Variants in NEMP2 observed in about 807,000 individuals in gnomAD.
NEMP2 encodes UPF0571 transmembrane protein.
NEMP2 carries 53 observed loss-of-function variants against 54.2 expected under a neutral mutation model. That is an observed-to-expected ratio of 0.98 (90% CI 0.78 to 1.23). The LOEUF (loss-of-function observed/expected upper bound fraction) is 1.23. Among genes scored for constraint, NEMP2 ranks in the 50% most tolerant of loss-of-function variants. The pLI is 0.00. For synonymous variants in NEMP2, 197 were observed against 190.3 expected (o/e 1.04, Z -0.29); for missense variants, 455 against 511.3 (o/e 0.89, Z 1.06).
chr2:190,617,244 T>A, the NEMP2 span: 3 of 152,228 alleles, frequency 2.0e-5, no homozygotes, highest in Non-Finnish European at 2.9e-5. The surrounding 1 kb of genome is among the most constrained non-coding windows in gnomAD (Gnocchi z 5.0). Flanking sequence ...ACACTTCAGT[T>A]TTCATTAAAG....
the NEMP2 span, among the ~76,000 whole-genome samples, chr2:190,442,059 G>T: frequency 6.6e-6 from 1 of 152,196 alleles, no homozygotes; most frequent in Non-Finnish European, 1.5e-5. Flanking sequence ...AAAGCAAAAA[G>T]ATGGTAGACC....
the NEMP2 span, among the ~76,000 whole-genome samples, chr2:190,597,278 C>T: frequency 7.0e-6 from 1 of 143,292 alleles, no homozygotes; most frequent in East Asian, 2.1e-4. This position sits in a 1 kb window ranked among gnomAD's most constrained non-coding sequence, Gnocchi z 4.7. Flanking sequence ...AAAAAAAAAG[C>T]TTTCTAATTT....
At chr2:190,606,766 C>A in the NEMP2 span, among the ~76,000 whole-genome samples, 2 of 152,134 alleles carry the variant, frequency 1.3e-5, no homozygotes, top group African/African-American at 4.8e-5. Flanking sequence ...AGCATTAGCA[C>A]AATCCCAGGC....
At chr2:190,437,055 G>A in the NEMP2 span, 2 of 1,614,206 alleles carry the variant, frequency 1.2e-6, no homozygotes, top group Non-Finnish European at 1.7e-6. The surrounding 1 kb of genome is among the most constrained non-coding windows in gnomAD (Gnocchi z 5.9). Flanking sequence ...TGCTGTCTGT[G>A]GGCATCGGGA....
At chr2:190,421,717 G>T in the NEMP2 span, among the ~76,000 whole-genome samples, 1 of 146,092 alleles carries the variant, frequency 6.8e-6, no homozygotes, top group East Asian at 2.0e-4. Flanking sequence ...CACCATACCT[G>T]GCTAACTTAA....
the NEMP2 span, among the ~76,000 whole-genome samples, chr2:190,555,240 C>G: frequency 6.6e-6 from 1 of 152,088 alleles, no homozygotes; most frequent in Non-Finnish European, 1.5e-5. This position sits in a 1 kb window ranked among gnomAD's most constrained non-coding sequence, Gnocchi z 4.8. Context: ...GCTGAAGATT[C>G]CAAAAACCAG....
the NEMP2 span, among the ~76,000 whole-genome samples, chr2:190,595,587 G>A: frequency 3.3e-5 from 5 of 152,070 alleles, no homozygotes; most frequent in South Asian, 2.1e-4. The surrounding 1 kb of genome is among the most constrained non-coding windows in gnomAD (Gnocchi z 4.0). Flanking sequence ...AAAAGTGTGC[G>A]AAGGATATAA....
rs1383105552 is a variant in NEMP2 at position 190,521,661 on chromosome 2, C to T, written c.214-2478G>A. ...CATTCTCCCTTTAATCCACTTCAAT[C>T]AGGATTTCATTCCTAAAAGGCCACC... On this transcript the variant is annotated intron_variant, in intron 2 of 8. Transcript: ENST00000409150. This position sits in a 1 kb window ranked among gnomAD's most constrained non-coding sequence, Gnocchi z 6.2. Among the ~76,000 whole-genome samples, 2 of 152,202 alleles carry T rather than the reference C, an allele frequency of 1.3e-5. No homozygotes were observed. Among genetic ancestry groups the T allele is most frequent in the African/African-American group, 4.8e-5 (2 of 41,458 alleles).
the NEMP2 span, chr2:190,437,360 G>C: frequency 6.2e-7 from 1 of 1,614,258 alleles, no homozygotes. This position sits in a 1 kb window ranked among gnomAD's most constrained non-coding sequence, Gnocchi z 5.9. Flanking sequence ...CTGCTCTGCA[G>C]CGTGCAGTAT....
At chr2:190,534,764 G>T, upstream of NEMP2, 1 of 822,564 alleles carries the variant, frequency 1.2e-6, no homozygotes, top group Non-Finnish European at 1.6e-6. Flanking sequence ...GGTGAGGCCC[G>T]AACGCGGGAA....
At chr2:190,447,567 A>G in the NEMP2 span, among the ~76,000 whole-genome samples, 1 of 152,224 alleles carries the variant, frequency 6.6e-6, no homozygotes, top group African/African-American at 2.4e-5. The surrounding 1 kb of genome is among the most constrained non-coding windows in gnomAD (Gnocchi z 4.5). Context: ...TAAATTGCTT[A>G]TATACTTCTT....
chr2:190,571,403 CGTG>C, the NEMP2 span, among the ~76,000 whole-genome samples: 1 of 151,958 alleles, frequency 6.6e-6, no homozygotes, highest in East Asian at 1.9e-4. Flanking sequence ...ATTAGCCAGG[CGTG>C]GTGGTGGGCG....
At chr2:190,495,405 T>G in the NEMP2 span, among the ~76,000 whole-genome samples, 10 of 152,170 alleles carry the variant, frequency 6.6e-5, no homozygotes, top group Non-Finnish European at 1.3e-4. The surrounding 1 kb of genome is among the most constrained non-coding windows in gnomAD (Gnocchi z 4.7). Context: ...ATCAATATTG[T>G]GAAAATGACC....
the NEMP2 span, among the ~76,000 whole-genome samples, chr2:190,584,993 C>G: frequency 2.0e-5 from 3 of 151,990 alleles, no homozygotes; most frequent in African/African-American, 4.8e-5. This position sits in a 1 kb window ranked among gnomAD's most constrained non-coding sequence, Gnocchi z 4.2. Context: ...AACTTCCAGT[C>G]AGTTGGAAAG....
chr2:190,441,932 G>C, the NEMP2 span, among the ~76,000 whole-genome samples: 3 of 152,212 alleles, frequency 2.0e-5, no homozygotes, highest in East Asian at 3.9e-4. Flanking sequence ...AGTCAGATTG[G>C]TGCCTGCCTC....
Position 190,515,328 on chromosome 2 carries a change from G to A in NEMP2, c.728-650C>T, listed in dbSNP as rs146964458. 3.8e-3 allele frequency among the ~76,000 whole-genome samples: 574 copies of A among 152,310 alleles called. 4 individuals are homozygous for A. The highest frequency in any genetic ancestry group is 5.9e-3 in the Admixed American group (90 of 15,300). On this transcript the variant is annotated intron_variant, in intron 6 of 8. Transcript: ENST00000409150. Reference sequence around the variant, plus strand: ...AAATCTAGAAGGTGGAGATTCTACAGGACAAGCTTGGTTTCTTTAGCATAT... The same window carrying A: ...AAATCTAGAAGGTGGAGATTCTACAAGACAAGCTTGGTTTCTTTAGCATAT...
the NEMP2 span, among the ~76,000 whole-genome samples, chr2:190,615,393 T>C: frequency 1.3e-5 from 2 of 152,230 alleles, no homozygotes; most frequent in African/African-American, 4.8e-5. This position sits in a 1 kb window ranked among gnomAD's most constrained non-coding sequence, Gnocchi z 4.7. Context: ...TTATAAAGGA[T>C]ATTTCAAAGG....
At chr2:190,454,853 C>T in the NEMP2 span, among the ~76,000 whole-genome samples, 75 of 152,118 alleles carry the variant, frequency 4.9e-4, no homozygotes, top group African/African-American at 1.7e-3. This position sits in a 1 kb window ranked among gnomAD's most constrained non-coding sequence, Gnocchi z 4.6. Flanking sequence ...TATGGCCTAA[C>T]ATAGTGGGAT....
chr2:190,546,959 A>C, the NEMP2 span, among the ~76,000 whole-genome samples: 1 of 152,222 alleles, frequency 6.6e-6, no homozygotes, highest in Non-Finnish European at 1.5e-5. The surrounding 1 kb of genome is among the most constrained non-coding windows in gnomAD (Gnocchi z 5.1). Flanking sequence ...TTTTGCCTTC[A>C]TAATTGAAAA....
Sources: gnomAD v4.1 joint callset for allele counts (sites outside exome capture counted in the v4.1 genomes callset) on GRCh38, gnomAD v4.1.1 for gene constraint, Gnocchi (gnomAD v3.1) non-coding constraint, MANE v1.5 for transcripts, NCBI Gene and HGNC (gene_info 2026-07-23, HGNC 2026-07-21) for gene names.